The following PRRT3 variants were observed in gnomAD, a reference collection of about 807,000 sequenced individuals.
The protein encoded by PRRT3 is proline rich transmembrane protein 3.
Under a neutral mutation model 56.6 loss-of-function variants are expected in PRRT3, and 48 were observed. That is an observed-to-expected ratio of 0.85 (90% CI 0.67 to 1.08). PRRT3 has a LOEUF of 1.08. Among genes scored for constraint, PRRT3 ranks in the 50% least tolerant of loss-of-function variants. PRRT3 has a pLI of 0.00. For synonymous variants in PRRT3, 641 were observed against 619.1 expected, an observed-to-expected ratio of 1.04 and a Z score of -0.52; for missense variants, 1,370 against 1,353.1, an observed-to-expected ratio of 1.01 and a Z score of -0.20.
In PRRT3 at chr3:9,947,729, A is replaced by T. The variant is rs1351268219; in HGVS notation, c.1444T>A (p.Phe482Ile). The change falls in exon 4 of 4, where the codon TTT becomes ATT. Residue 482 changes from phenylalanine to isoleucine, a missense_variant. By Grantham distance (21) the Phe-to-Ile change is conservative. Coordinates refer to ENST00000412055, the MANE Select transcript of PRRT3 (RefSeq NM_207351.5). This position sits in a 1 kb window ranked among gnomAD's most constrained non-coding sequence, Gnocchi z 9.2. Reference protein sequence around the residue: ...ELHVYGVGVLFLLPALLALAA... With the variant: ...ELHVYGVGVLILLPALLALAA... Reference sequence around the variant, plus strand: ...AGCGCCAACAACGCGGGCAGCAGAAAGAGTACCCCCACCCCGTAGACGTGC... The same window carrying T: ...AGCGCCAACAACGCGGGCAGCAGAATGAGTACCCCCACCCCGTAGACGTGC... 6 of 1,559,560 alleles carry T rather than the reference A, an allele frequency of 3.8e-6. No homozygotes were observed. Among genetic ancestry groups the T allele is most frequent in the Non-Finnish European group, 4.3e-6 (5 of 1,156,684 alleles).
In PRRT3 at chr3:9,946,447, C is replaced by T; in HGVS notation, c.2726G>A (p.Arg909Lys). Residue 909 changes from arginine (R) to lysine (K), a missense_variant, in exon 4 of 4, where the codon AGG (arginine) becomes AAG (lysine). By Grantham distance (26) the Arg-to-Lys change is conservative (BLOSUM62 2). Transcript: ENST00000412055. This position sits in a 1 kb window ranked among gnomAD's most constrained non-coding sequence, Gnocchi z 4.1. Reference sequence around the variant, plus strand: ...GTTCCAACTGATCTTGAGTGAACCCCTGGAGAAGCTGTCGAGGGAGCTGCC... The same window carrying T: ...GTTCCAACTGATCTTGAGTGAACCCTTGGAGAAGCTGTCGAGGGAGCTGCC... ...ASGSSLDSFS[R>K]GSLKISWNPW... 6.3e-7 allele frequency: 1 copy of T among 1,581,632 alleles called. No homozygotes were observed. The highest frequency in any genetic ancestry group is 2.3e-5 in the East Asian group (1 of 42,722).
intron 1 of PRRT3, 52 bp from the exon 2 acceptor site, chr3:9,950,224 G>A: frequency 1.2e-6 from 1 of 864,064 alleles, no homozygotes; most frequent in Non-Finnish European, 1.6e-6. Flanking sequence ...GGGCCCCCAT[G>A]CCTTCCTCAA....
In PRRT3 at chr3:9,946,755, C is replaced by A; in HGVS notation, c.2418G>T (p.Pro806=). Residue 806 remains proline (P), a synonymous_variant, in exon 4 of 4, where the codon CCG becomes CCT. Coordinates refer to ENST00000412055, the MANE Select transcript of PRRT3 (RefSeq NM_207351.5). This position sits in a 1 kb window ranked among gnomAD's most constrained non-coding sequence, Gnocchi z 4.1. ...APSLSELDLR[P]PSPINLSRSI... is the part of the protein sequence containing the mutation. ...TGCGGCTCAGGTTGATGGGCGATGGCGGCCGCAGATCCAGCTCGCTCAGCG... is the reference window on the plus strand; with the variant it reads ...TGCGGCTCAGGTTGATGGGCGATGGAGGCCGCAGATCCAGCTCGCTCAGCG... 1.3e-6 allele frequency: 2 copies of A among 1,531,668 alleles called. No homozygotes were observed. The highest frequency in any genetic ancestry group is 1.2e-5 in the South Asian group (1 of 80,164). 94.9% of individuals were successfully genotyped at this position (1,531,668 alleles called of 1,614,324 possible).
Position 9,945,821 on chromosome 3 carries a change from C to CCTTTTTT in PRRT3, c.*405_*406insAAAAAAG, listed in dbSNP as rs2085504800. 2 of 56,908 alleles carry CCTTTTTT rather than the reference C, an allele frequency of 3.5e-5. 1 individual carries two copies. The highest frequency in any genetic ancestry group is 1.3e-4 in the African/African-American group (2 of 15,564). The allele number at this position is 56,908 out of a possible 1,614,324, so 3.5% of individuals were successfully genotyped here. A position where few individuals can be genotyped will look rare whatever the true frequency, so the allele number is the denominator to read the frequency against. On this transcript the variant is annotated 3_prime_UTR_variant, in exon 4 of 4. Transcript: ENST00000412055. ...GTCAGGTAGAGAGGCCTGGGGATGC[C>CCTTTTTT]TTTTTTTTTTTTTTTTTTTTTTTTT...
Position 9,950,094 on chromosome 3 carries a change from A to T in PRRT3, c.22T>A (p.Cys8Ser). The change falls in exon 2 of 4, where the codon TGT becomes AGT. Residue 8 changes from cysteine to serine, a missense_variant. Transcript: ENST00000412055. Reference sequence around the variant, plus strand: ...AGCAACAGCAGAAGGCCACATACACAGCCCCATGGGCTGGAGGCCATGGTC... The same window carrying T: ...AGCAACAGCAGAAGGCCACATACACTGCCCCATGGGCTGGAGGCCATGGTC... Reference protein sequence around the residue: MASSPWGCVCGLLLLLLP... With the variant: MASSPWGSVCGLLLLLLP... 1 of 1,494,840 alleles carries T rather than the reference A, an allele frequency of 6.7e-7. No homozygotes were observed. The allele number at this position is 1,494,840 out of a possible 1,614,324, so 92.6% of individuals were successfully genotyped here.
In PRRT3 at chr3:9,947,181, G is replaced by A; in HGVS notation, c.1992C>T (p.Gly664=). 2 of 1,531,754 alleles carry A rather than the reference G, an allele frequency of 1.3e-6. No homozygotes were observed. Among genetic ancestry groups the A allele is most frequent in the Middle Eastern group, 1.9e-4 (1 of 5,364 alleles). 94.9% of individuals were successfully genotyped at this position (1,531,754 alleles called of 1,614,324 possible). ...ACGAGAAGCGGCCCACGCGGCCTGG[G>A]CCCGGGTACAGCCAGAGCGCAGCCG... is the stretch of plus-strand genomic sequence containing the variant. ...QLAAALWLYP[G]PGRVGRFSWA... is the part of the protein sequence containing the mutation. Residue 664 remains glycine, a synonymous_variant, in exon 4 of 4, where the codon GGC becomes GGT. Coordinates refer to ENST00000412055, the MANE Select transcript of PRRT3 (RefSeq NM_207351.5). This position sits in a 1 kb window ranked among gnomAD's most constrained non-coding sequence, Gnocchi z 9.2.
Position 9,947,949 on chromosome 3 carries a change from T to TG in PRRT3, c.1223dup (p.Val409SerfsTer243). The TG allele has an allele frequency of 2.2e-6, 3 of 1,377,442 alleles. No homozygotes were observed. The highest frequency in any genetic ancestry group is 1.9e-6 in the Non-Finnish European group (2 of 1,068,296). 85.3% of individuals were successfully genotyped at this position (1,377,442 alleles called of 1,614,324 possible). A position where few individuals can be genotyped will look rare whatever the true frequency, so the allele number is the denominator to read the frequency against. ...GGCGTGACGTCGAGGGGGCCTGGAC[T>TG]GGGGGTGCTGGGGGATGGCTTTGGG... On this transcript the variant is annotated frameshift_variant, in exon 4 of 4. Coordinates refer to ENST00000412055, the MANE Select transcript of PRRT3 (RefSeq NM_207351.5). LOFTEE classifies it high-confidence loss of function. This position sits in a 1 kb window ranked among gnomAD's most constrained non-coding sequence, Gnocchi z 9.2.
chr3:9,948,686 T>A, intron 3 of PRRT3, 72 bp downstream of exon 3: 74 of 1,521,740 alleles, frequency 4.9e-5, no homozygotes, highest in Middle Eastern at 1.7e-4. Flanking sequence ...TCCGCCCCCA[T>A]ACATCCCCAA....
Position 9,947,099 on chromosome 3 carries a change from C to A in PRRT3, c.2074G>T (p.Ala692Ser). ...LRLLELTWALALALAAVAAAR... is the reference protein window; with the variant it reads ...LRLLELTWALSLALAAVAAAR... ...GCAGCCACCGCGGCCAACGCCAGGG[C>A]GAGCGCCCATGTCAGCTCCAGGAGG... The change falls in exon 4 of 4, where the codon GCC (alanine) becomes TCC (serine). Residue 692 changes from alanine to serine, a missense_variant. Ala to Ser is a moderately conservative substitution (Grantham distance 99). Transcript: ENST00000412055. This position sits in a 1 kb window ranked among gnomAD's most constrained non-coding sequence, Gnocchi z 9.2. 1 of 1,536,872 alleles carries A rather than the reference C, an allele frequency of 6.5e-7. No individual in the cohort carries two copies. The highest frequency in any genetic ancestry group is 8.7e-7 in the Non-Finnish European group (1 of 1,146,676).
rs2085586286 is a variant in PRRT3 at position 9,949,471 on chromosome 3, T to C, written c.645A>G (p.Ser215=). The C allele has an allele frequency of 2.5e-6, 4 of 1,614,042 alleles. No homozygotes were observed. Among genetic ancestry groups the C allele is most frequent in the Non-Finnish European group, 8.5e-7 (1 of 1,179,992 alleles). The part of the protein sequence containing the change: ...QGPPHTLVSH[S]GTVKRPVLEG... ...CCAGCACTGGCCTCTTGACAGTACCTGAGTGGGAAACAAGGGTGTGGGGTG... is the reference window on the plus strand; with the variant it reads ...CCAGCACTGGCCTCTTGACAGTACCCGAGTGGGAAACAAGGGTGTGGGGTG... Residue 215 remains serine (S), a synonymous_variant, in exon 2 of 4, where the codon TCA becomes TCG. Transcript: ENST00000412055. The surrounding 1 kb of genome is among the most constrained non-coding windows in gnomAD (Gnocchi z 4.5).
In PRRT3 at chr3:9,946,818, G is replaced by A. The variant is rs201208474; in HGVS notation, c.2355C>T (p.Gly785=). Residue 785 remains glycine (G), a synonymous_variant, in exon 4 of 4, where the codon GGC becomes GGT. Transcript: ENST00000412055. This position sits in a 1 kb window ranked among gnomAD's most constrained non-coding sequence, Gnocchi z 4.1. ...AASLGRGPQG[G]PGLSRNGVGP... is the part of the protein sequence containing the mutation. ...CCACACCGTTGCGGGACAGTCCCGG[G>A]CCACCCTGGGGTCCGCGACCCAACG... 3,695 of 1,544,510 alleles carry A rather than the reference G, an allele frequency of 2.4e-3. 59 individuals are homozygous for A. The highest frequency in any genetic ancestry group is 0.021 in the South Asian group (1,795 of 84,506).
rs149245739 is a variant in PRRT3 at position 9,948,443 on chromosome 3, C to T, written c.1171+315G>A. On this transcript the variant is annotated intron_variant, in intron 3 of 3. Transcript: ENST00000412055. ...CTCCAGGACAAGTGATCTCCCACCT[C>T]AGCCTCCGGAATAGCTGGGACTACA... 8.1e-5 allele frequency: 36 copies of T among 441,934 alleles called. No homozygotes were observed. The East Asian group carries it at 1.3e-3, about 16-fold the overall frequency. 27.4% of individuals were successfully genotyped at this position (441,934 alleles called of 1,614,324 possible). A position where few individuals can be genotyped will look rare whatever the true frequency, so the allele number is the denominator to read the frequency against.
rs938529166 is a variant in PRRT3, at chr3:9,945,995, A to AT, written c.*231dup. 22 of 551,312 alleles carry AT rather than the reference A, an allele frequency of 4.0e-5. No individual in the cohort carries two copies. The highest frequency in any genetic ancestry group is 3.7e-4 in the East Asian group (9 of 24,624). The allele number at this position is 551,312 out of a possible 1,614,324, so 34.2% of individuals were successfully genotyped here. A position where few individuals can be genotyped will look rare whatever the true frequency, so the allele number is the denominator to read the frequency against. ...ACTACAGGCGTGTGCCACCTGGCTAATTTTTTTGTATTTTTAGTAGAGACG... is the reference window on the plus strand; with the variant it reads ...ACTACAGGCGTGTGCCACCTGGCTAATTTTTTTTGTATTTTTAGTAGAGACG... On this transcript the variant is annotated 3_prime_UTR_variant, in exon 4 of 4. Coordinates refer to ENST00000412055, the MANE Select transcript of PRRT3 (RefSeq NM_207351.5).
Position 9,950,627 on chromosome 3 carries a change from C to T in PRRT3, c.-57-455G>A, listed in dbSNP as rs1179717026. On this transcript the variant is annotated intron_variant, in intron 1 of 3. Coordinates refer to ENST00000412055, the MANE Select transcript of PRRT3 (RefSeq NM_207351.5). The stretch of plus-strand genomic sequence containing the variant: ...AAGTGATTCTCCTGCCTCAGCCTCC[C>T]GAGTAGCTGGGGTTACAGACATGTG... 3.9e-5 allele frequency among the ~76,000 whole-genome samples: 6 copies of T among 152,312 alleles called. No individual in the cohort carries two copies. In the East Asian group the frequency reaches 5.8e-4, roughly 15 times the overall value.
chr3:9,946,377 A>G lies in PRRT3; in HGVS notation c.2796T>C (p.Asp932=), dbSNP rs376602025. Residue 932 remains aspartate (D), a synonymous_variant, in exon 4 of 4, where the codon GAT becomes GAC. Coordinates refer to ENST00000412055, the MANE Select transcript of PRRT3 (RefSeq NM_207351.5). The surrounding 1 kb of genome is among the most constrained non-coding windows in gnomAD (Gnocchi z 4.1). ...GLSSVDSLPL[D]ELPSTVQLLP... is the part of the protein sequence containing the mutation. ...GTAGCTGTACCGTGCTGGGCAACTCATCTAGGGGCAGACTGTCCACTGATG... is the reference window on the plus strand; with the variant it reads ...GTAGCTGTACCGTGCTGGGCAACTCGTCTAGGGGCAGACTGTCCACTGATG... 1.7e-5 allele frequency: 27 copies of G among 1,608,686 alleles called. No homozygotes were observed. The African/African-American group carries it at 3.2e-4, about 19-fold the overall frequency.
chr3:9,947,669 GCC>G lies in PRRT3; in HGVS notation c.1502_1503del (p.Arg501ProfsTer150). 1 of 1,568,752 alleles carries G rather than the reference GCC, an allele frequency of 6.4e-7. No homozygotes were observed. Among genetic ancestry groups the G allele is most frequent in the Non-Finnish European group, 8.6e-7 (1 of 1,159,648 alleles). On this transcript the variant is annotated frameshift_variant, in exon 4 of 4. Transcript: ENST00000412055. LOFTEE classifies it high-confidence loss of function. This position sits in a 1 kb window ranked among gnomAD's most constrained non-coding sequence, Gnocchi z 9.2. ...AALAAAPAGPRLALVAAVLVL... is the reference protein window; with the variant it reads ...AALAAAPAGPXLALVAAVLVL... ...ACCAGCACCGCGGCCACCAATGCCA[GCC>G]GGGGCCCTGCTGGGGCGGCTGCCAG...
Position 9,946,953 on chromosome 3 carries a change from G to C in PRRT3, c.2220C>G (p.Pro740=). The C allele has an allele frequency of 6.5e-7, 1 of 1,542,960 alleles. No individual in the cohort carries two copies. Among genetic ancestry groups the C allele is most frequent in the Non-Finnish European group, 8.7e-7 (1 of 1,149,316 alleles). The change falls in exon 4 of 4, where the codon CCC becomes CCG. Residue 740 remains proline, a synonymous_variant. Coordinates refer to ENST00000412055, the MANE Select transcript of PRRT3 (RefSeq NM_207351.5). This position sits in a 1 kb window ranked among gnomAD's most constrained non-coding sequence, Gnocchi z 4.1. ...CCAAGCTGCCTGCACCAACGTTGCT[G>C]GGCCCTGCATAGCAGTTATTGGGTC... is the stretch of plus-strand genomic sequence containing the variant. The part of the protein sequence containing the change: ...PERPNNCYAG[P]SNVGAGSLDI...
chr3:9,947,692 G>T lies in PRRT3; in HGVS notation c.1481C>A (p.Ala494Glu). 6.4e-7 allele frequency: 1 copy of T among 1,565,142 alleles called. No homozygotes were observed. The highest frequency in any genetic ancestry group is 8.6e-7 in the Non-Finnish European group (1 of 1,159,086). ...CAGCCGGGGCCCTGCTGGGGCGGCT[G>T]CCAGCGCAGCCAGCGCCAACAACGC... ...LPALLALAAL[A>E]AAPAGPRLAL... Residue 494 changes from alanine to glutamate, a missense_variant, in exon 4 of 4, where the codon GCA becomes GAA. Ala to Glu is a moderately radical substitution (Grantham distance 107). Transcript: ENST00000412055. This position sits in a 1 kb window ranked among gnomAD's most constrained non-coding sequence, Gnocchi z 9.2.
At position 9,946,127 on chromosome 3, in the gene PRRT3, C is replaced by T; in HGVS notation, c.*100G>A. On this transcript the variant is annotated 3_prime_UTR_variant, in exon 4 of 4. Transcript: ENST00000412055. This position sits in a 1 kb window ranked among gnomAD's most constrained non-coding sequence, Gnocchi z 4.1. ...CTGGGATTCCTGGCGTGAGCCACCG[C>T]GCCTGGCCAGGATGCCCATTTTTTA... is the stretch of plus-strand genomic sequence containing the variant. 1 of 1,460,032 alleles carries T rather than the reference C, an allele frequency of 6.8e-7. No homozygotes were observed. The highest frequency in any genetic ancestry group is 9.1e-7 in the Non-Finnish European group (1 of 1,103,652). 90.4% of individuals were successfully genotyped at this position (1,460,032 alleles called of 1,614,324 possible).
Sources: allele counts gnomAD v4.1 joint callset (sites outside exome capture counted in the v4.1 genomes callset), GRCh38; gene constraint gnomAD v4.1.1; non-coding constraint Gnocchi (gnomAD v3.1); transcripts MANE v1.5; gene names NCBI Gene and HGNC (gene_info 2026-07-23, HGNC 2026-07-21).